STAT3: variants seen among roughly 807,000 people sequenced by gnomAD.
STAT3 encodes the protein DNA-binding protein APRF.
A neutral mutation model predicts 114.3 loss-of-function variants in STAT3; 7 were observed. The observed-to-expected ratio is 0.06, with a 90% confidence interval of 0.03 to 0.11. The LOEUF is 0.11. STAT3 is among the 10% of genes least tolerant of loss of function. The pLI is 1.00. For missense variants in STAT3, 364 were observed against 960.9 expected (o/e 0.38, Z 8.21); for synonymous variants, 331 against 354.5 (o/e 0.93, Z 0.74).
At chr17:42,378,619 C>A (rs891103547) in intron 1 of STAT3, among the ~76,000 whole-genome samples, 10 of 151,996 alleles carry the variant, frequency 6.6e-5, no homozygotes, top group African/African-American at 2.4e-4. Context: ...GAAAAGAGGC[C>A]CAAATGCAAA....
At chr17:42,342,410 G>C (rs1426617547) in intron 4 of STAT3, among the ~76,000 whole-genome samples, 1 of 151,994 alleles carries the variant, frequency 6.6e-6, no homozygotes, top group Non-Finnish European at 1.5e-5. Flanking sequence ...TTGAACCTGA[G>C]AGGCAGAGGT....
rs1307909802 is a variant in STAT3 at position 42,354,809 on chromosome 17, A to AAAAAAAAAAG, written c.-23-6271_-23-6270insCTTTTTTTTT. Among the ~76,000 whole-genome samples, 5 of 150,800 alleles carry AAAAAAAAAAG rather than the reference A, an allele frequency of 3.3e-5. No homozygotes were observed. The East Asian group carries it at 9.7e-4, about 29-fold the overall frequency. On this transcript the variant is annotated intron_variant, in intron 1 of 23. Transcript: ENST00000264657. ...GCAACAGAGTGAGACTCTGTCTCAA[A>AAAAAAAAAAG]AAAAAAAAAAAGAAGGCACCAGGGC...
chr17:42,322,082 T>C (rs1313785833), intron 21 of STAT3, among the ~76,000 whole-genome samples, 200 bp downstream of exon 21: 1 of 152,180 alleles, frequency 6.6e-6, no homozygotes, highest in East Asian at 1.9e-4. Context: ...GAGCAGGAAC[T>C]ACACTACTCT....
At chr17:42,367,146 A>C (rs1256473663) in intron 1 of STAT3, among the ~76,000 whole-genome samples, 2 of 152,058 alleles carry the variant, frequency 1.3e-5, no homozygotes, top group Admixed American at 1.3e-4. Flanking sequence ...CGTCTCAAAA[A>C]ACATAAACAT....
chr17:42,323,714 C>A, intron 17 of STAT3, 89 bp from the exon 18 acceptor site: 1 of 1,184,764 alleles, frequency 8.4e-7, no homozygotes, highest in East Asian at 2.5e-5. Flanking sequence ...ACATTCATCC[C>A]ACAATGGGCC....
At chr17:42,345,229 C>G (rs1373528313) in intron 4 of STAT3, among the ~76,000 whole-genome samples, 1 of 150,838 alleles carries the variant, frequency 6.6e-6, no homozygotes, top group Non-Finnish European at 1.5e-5. Context: ...CGCGCCATTG[C>G]ACTCTAGCCT....
intron 1 of STAT3, among the ~76,000 whole-genome samples, chr17:42,365,834 T>C (rs1214476251): frequency 6.6e-6 from 1 of 151,980 alleles, no homozygotes; most frequent in African/African-American, 2.4e-5. Context: ...TTTTGTATTT[T>C]CAGTAGAGAC....
At position 42,322,948 on chromosome 17, in the gene STAT3, C is replaced by G. The variant is rs1171966991; in HGVS notation, c.1888+56G>C. 1.9e-6 allele frequency: 3 copies of G among 1,611,904 alleles called. No homozygotes were observed. The African/African-American group carries it at 4.0e-5, about 22-fold the overall frequency. On this transcript the variant is annotated intron_variant, in intron 20 of 23. Coordinates refer to ENST00000264657, the MANE Select transcript of STAT3 (RefSeq NM_139276.3). Reference sequence around the variant, plus strand: ...GGCAGTAGGTGCTTGCAACTAGAAGCAGTGATGAGGCCTCAGCAGCCACCA... The same window carrying G: ...GGCAGTAGGTGCTTGCAACTAGAAGGAGTGATGAGGCCTCAGCAGCCACCA...
At chr17:42,357,515 T>C (rs1297476774) in intron 1 of STAT3, among the ~76,000 whole-genome samples, 2 of 151,806 alleles carry the variant, frequency 1.3e-5, no homozygotes, top group East Asian at 3.9e-4. Context: ...CTACTAAAAA[T>C]ACAAAAATTA....
At position 42,346,617 on chromosome 17, in the gene STAT3, C is replaced by T. The variant is rs146184566; in HGVS notation, c.225G>A (p.Ser75=). The T allele has an allele frequency of 2.3e-4, 367 of 1,614,090 alleles. 1 individual carries two copies. The African/African-American group carries it at 3.1e-3, about 13-fold the overall frequency. Residue 75 remains serine (S), a synonymous_variant, in exon 3 of 24, where the codon TCG becomes TCA. Transcript: ENST00000264657. ...DQQYSRFLQE[S]NVLYQHNLRR... ...GTAGATTGTGCTGATAGAGAACATT[C>T]GACTCTTGCAGGAAGCGGCTATACT...
rs1407556958 is a variant in STAT3, at chr17:42,322,368, T to C, written c.2015A>G (p.Tyr672Cys). 1 of 1,614,220 alleles carries C rather than the reference T, an allele frequency of 6.2e-7. No individual in the cohort carries two copies. Among genetic ancestry groups the C allele is most frequent in the Non-Finnish European group, 8.5e-7 (1 of 1,180,048 alleles). Residue 672 changes from tyrosine to cysteine, a missense_variant, in exon 21 of 24, where the codon TAT (tyrosine) becomes TGT (cysteine). Tyr to Cys is a radical substitution (Grantham distance 194, BLOSUM62 -2). Coordinates refer to ENST00000264657, the MANE Select transcript of STAT3 (RefSeq NM_139276.3). The part of the protein sequence containing the change: ...ATNILVSPLV[Y>C]LYPDIPKEEA... Reference sequence around the variant, plus strand: ...CTCCTTGGGAATGTCAGGATAGAGATAGACCAGTGGAGACACCAGGATATT... The same window carrying C: ...CTCCTTGGGAATGTCAGGATAGAGACAGACCAGTGGAGACACCAGGATATT...
intron 1 of STAT3, among the ~76,000 whole-genome samples, chr17:42,354,969 T>C (rs550218196): frequency 2.0e-5 from 3 of 152,148 alleles, no homozygotes; most frequent in Non-Finnish European, 4.4e-5. Flanking sequence ...GGAGAGAATA[T>C]GCAAATACTT....
chr17:42,316,024 C>T (rs2081234743), intron 23 of STAT3: 2 of 1,425,838 alleles, frequency 1.4e-6, no homozygotes, highest in Admixed American at 2.9e-5. Flanking sequence ...ATTCCCAGAG[C>T]TCCATGTTTA....
intron 1 of STAT3, among the ~76,000 whole-genome samples, chr17:42,353,376 AAGAAG>A (rs71370586): frequency 2.1e-5 from 3 of 143,552 alleles, no homozygotes; most frequent in Non-Finnish European, 3.0e-5. Flanking sequence ...GAAAGAAAGA[AAGAAG>A]AGAAAAGAAA....
intron 1 of STAT3, among the ~76,000 whole-genome samples, chr17:42,384,964 T>C (rs1399358397): frequency 6.6e-6 from 1 of 152,180 alleles, no homozygotes; most frequent in East Asian, 1.9e-4. Context: ...TCTCTGAAGA[T>C]CTGTAGCATT....
chr17:42,385,020 T>C (rs905227762), intron 1 of STAT3, among the ~76,000 whole-genome samples: 3 of 152,176 alleles, frequency 2.0e-5, no homozygotes, highest in African/African-American at 7.2e-5. Flanking sequence ...ACAGAAAAGT[T>C]CTACATCTGT....
chr17:42,363,817 A>G (rs2083639040), intron 1 of STAT3, among the ~76,000 whole-genome samples: 1 of 151,448 alleles, frequency 6.6e-6, no homozygotes, highest in Non-Finnish European at 1.5e-5. Flanking sequence ...CCCCCCACCC[A>G]CAGACTTTGT....
chr17:42,373,892 A>T (rs2084306779), intron 1 of STAT3, among the ~76,000 whole-genome samples: 1 of 152,134 alleles, frequency 6.6e-6, no homozygotes, highest in Non-Finnish European at 1.5e-5. Context: ...CTCAAAAAAA[A>T]AAAAAAAAAA....
chr17:42,327,906 C>T (rs377654080), intron 14 of STAT3, among the ~76,000 whole-genome samples: 3 of 151,814 alleles, frequency 2.0e-5, no homozygotes, highest in Non-Finnish European at 2.9e-5. Flanking sequence ...ATTAGCCAGG[C>T]GTGGTGGCAT....
Sources: gnomAD v4.1 joint callset for allele counts (sites outside exome capture counted in the v4.1 genomes callset) on GRCh38, gnomAD v4.1.1 for gene constraint, MANE v1.5 for transcripts, NCBI Gene and HGNC (gene_info 2026-07-23, HGNC 2026-07-21) for gene names.